The following USP24 variants were observed in gnomAD, a reference collection of about 807,000 sequenced individuals.
USP24 encodes the protein ubiquitin carboxyl-terminal hydrolase 24.
A neutral mutation model predicts 361.6 loss-of-function variants in USP24; 97 were observed. The ratio of observed to expected loss-of-function variants is 0.27; its 90% CI spans 0.23 to 0.32. USP24 has a LOEUF of 0.32. Among genes scored for constraint, USP24 ranks in the 10% least tolerant of loss-of-function variants. USP24 has a pLI of 1.00. For synonymous variants in USP24, 1,098 were observed against 1,124.6 expected (o/e 0.98, Z 0.47); for missense variants, 2,353 against 3,165.6 (o/e 0.74, Z 6.16).
At chr1:55,078,997 A>T (rs1645086632) in intron 60 of USP24, among the ~76,000 whole-genome samples, 1 of 150,306 alleles carries the variant, frequency 6.7e-6, no homozygotes, top group Non-Finnish European at 1.5e-5. Context: ...TGTTAATTTA[A>T]AAAAAAAAAC....
chr1:55,132,561 A>G lies in USP24; in HGVS notation c.3521T>C (p.Val1174Ala). ...SFAPGMSTFR[V>A]LYNLEVLSSK... The stretch of plus-strand genomic sequence containing the variant: ...GTTTCTTACTTCTAAGTTGTAGAGC[A>G]CTCTGAAGGTAGACATTCCCGGGGC... Residue 1174 changes from valine (V) to alanine (A), a missense_variant, in exon 31 of 68, where the codon GTG (valine) becomes GCG (alanine). By Grantham distance (64) the Val-to-Ala change is moderately conservative. Transcript: ENST00000294383. 18 of 1,613,390 alleles carry G rather than the reference A, an allele frequency of 1.1e-5. No homozygotes were observed. The highest frequency in any genetic ancestry group is 1.5e-5 in the Non-Finnish European group (18 of 1,179,514).
At chr1:55,101,073 T>C in intron 43 of USP24, 109 bp from the exon 44 acceptor site, 1 of 1,277,628 alleles carries the variant, frequency 7.8e-7, no homozygotes, top group Non-Finnish European at 1.1e-6. Flanking sequence ...ATGTTATGTA[T>C]GTTTGGACAT....
chr1:55,191,309 T>C (rs1326685568), intron 1 of USP24, among the ~76,000 whole-genome samples: 2 of 152,312 alleles, frequency 1.3e-5, no homozygotes, highest in East Asian at 3.9e-4. Flanking sequence ...TTCCTAAATA[T>C]GTAATTTTTT....
rs138779133 is a variant in USP24 at position 55,138,731 on chromosome 1, A to G, written c.2818-13T>C. The G allele has an allele frequency of 0.025, 39,130 of 1,585,750 alleles. 567 individuals carry two copies. Among genetic ancestry groups the G allele is most frequent in the South Asian group, 0.028 (2,497 of 89,516 alleles). Reference sequence around the variant, plus strand: ...CAGAGTAAAAATCCTTAAAAAACGAATAAGTCAAGTCAGATGGACAGCACC... The same window carrying G: ...CAGAGTAAAAATCCTTAAAAAACGAGTAAGTCAAGTCAGATGGACAGCACC... On this transcript the variant is annotated splice_polypyrimidine_tract_variant and intron_variant, in intron 25 of 67. Coordinates refer to ENST00000294383, the MANE Select transcript of USP24 (RefSeq NM_015306.3).
chr1:55,156,401 A>G (rs1006861493), intron 12 of USP24, among the ~76,000 whole-genome samples: 3 of 152,170 alleles, frequency 2.0e-5, no homozygotes, highest in Non-Finnish European at 4.4e-5. Flanking sequence ...AAATAAAGTC[A>G]AAGTAGAAGA....
intron 1 of USP24, among the ~76,000 whole-genome samples, chr1:55,188,512 T>C (rs993190617): frequency 6.7e-6 from 1 of 148,290 alleles, no homozygotes; most frequent in Non-Finnish European, 1.5e-5. Context: ...AAAAGACAAA[T>C]AACCTAATAA....
intron 24 of USP24, among the ~76,000 whole-genome samples, chr1:55,140,567 C>A (rs1262566976): frequency 6.6e-6 from 1 of 152,160 alleles, no homozygotes; most frequent in African/African-American, 2.4e-5. Flanking sequence ...ACACAATACT[C>A]AACTCATTTT....
At chr1:55,129,610 AT>A in intron 31 of USP24, 36 bp from the exon 32 acceptor site, 1 of 1,558,472 alleles carries the variant, frequency 6.4e-7, no homozygotes, top group South Asian at 1.1e-5. Context: ...TCATCCACAC[AT>A]TTTCAGCAGA....
At chr1:55,202,749 T>A (rs1327824256) in intron 1 of USP24, among the ~76,000 whole-genome samples, 1 of 152,196 alleles carries the variant, frequency 6.6e-6, no homozygotes, top group African/African-American at 2.4e-5. Context: ...TTCAATACCA[T>A]GAGCAACTGT....
chr1:55,121,866 T>C (rs535320549), intron 36 of USP24, among the ~76,000 whole-genome samples: 2 of 152,328 alleles, frequency 1.3e-5, no homozygotes, highest in Admixed American at 6.5e-5. Flanking sequence ...AAGTTATCAT[T>C]TTTTCATCTT....
chr1:55,109,672 G>T (rs1557573503), intron 39 of USP24, among the ~76,000 whole-genome samples: 1 of 152,120 alleles, frequency 6.6e-6, no homozygotes, highest in East Asian at 1.9e-4. Context: ...ACAAACTCAT[G>T]ATCTGAACTA....
chr1:55,088,877 G>A (rs913904923), intron 55 of USP24, among the ~76,000 whole-genome samples: 8 of 151,932 alleles, frequency 5.3e-5, no homozygotes, highest in African/African-American at 1.9e-4. Context: ...TAAATTTCAG[G>A]TACCTAGGTA....
chr1:55,127,585 T>G (rs1398984235), intron 32 of USP24, among the ~76,000 whole-genome samples: 2 of 152,210 alleles, frequency 1.3e-5, no homozygotes, highest in Non-Finnish European at 2.9e-5. Flanking sequence ...ATATACCCAG[T>G]AAAGGGATGG....
intron 53 of USP24, 81 bp from the exon 54 acceptor site, chr1:55,092,207 A>C (rs1173312027): frequency 1.1e-6 from 1 of 894,454 alleles, no homozygotes; most frequent in East Asian, 2.7e-5. Context: ...AAATTATGAT[A>C]CACACACAAT....
chr1:55,093,907 C>A, intron 52 of USP24, 30 bp downstream of exon 52: 3 of 1,611,666 alleles, frequency 1.9e-6, no homozygotes, highest in South Asian at 1.1e-5. Flanking sequence ...CGTGGATATT[C>A]CCCCTTAGAA....
At chr1:55,202,171 T>C (rs1644593155) in intron 1 of USP24, among the ~76,000 whole-genome samples, 1 of 152,174 alleles carries the variant, frequency 6.6e-6, no homozygotes, top group Admixed American at 6.5e-5. Context: ...ATATATAACC[T>C]AAGGCAAGTG....
intron 67 of USP24, chr1:55,071,529 C>T: frequency 4.2e-6 from 5 of 1,194,010 alleles, no homozygotes; most frequent in Middle Eastern, 3.5e-4. Context: ...TGGAACGAAT[C>T]CCCCTGTGCC....
At chr1:55,104,172 G>A (rs1645713222) in intron 41 of USP24, among the ~76,000 whole-genome samples, 152 bp from the exon 42 acceptor site, 1 of 152,050 alleles carries the variant, frequency 6.6e-6, no homozygotes, top group South Asian at 2.1e-4. Flanking sequence ...AGTAATCCAG[G>A]GGTCATGAAT....
Position 55,067,041 on chromosome 1 carries a change from A to G in USP24, c.*2004T>C, listed in dbSNP as rs779445820. The G allele has an allele frequency of 2.6e-5, 4 of 152,208 alleles. No individual in the cohort carries two copies. The highest frequency in any genetic ancestry group is 5.9e-5 in the Non-Finnish European group (4 of 68,038). 9.4% of individuals were successfully genotyped at this position (152,208 alleles called of 1,614,324 possible). A position where few individuals can be genotyped will look rare whatever the true frequency, so the allele number is the denominator to read the frequency against. On this transcript the variant is annotated 3_prime_UTR_variant, in exon 68 of 68. Coordinates refer to ENST00000294383, the MANE Select transcript of USP24 (RefSeq NM_015306.3). ...ATAAGCAACATGATCTGAAGCGTAT[A>G]ATATACACGGTGGACGATCCTGATG...
Sources: gnomAD v4.1 joint callset for allele counts (sites outside exome capture counted in the v4.1 genomes callset) on GRCh38, gnomAD v4.1.1 for gene constraint, MANE v1.5 for transcripts, NCBI Gene and HGNC (gene_info 2026-07-23, HGNC 2026-07-21) for gene names.